Variants in CTNNA2 observed in about 807,000 individuals in gnomAD.
The protein encoded by CTNNA2 is catenin alpha-2.
In CTNNA2, 42 loss-of-function variants were observed where a neutral mutation model predicts 101.0. The ratio of observed to expected loss-of-function variants is 0.42; its 90% CI spans 0.32 to 0.54. The LOEUF (loss-of-function observed/expected upper bound fraction) is 0.54, where lower values mean the gene tolerates loss of function less well. CTNNA2 is among the 20% of genes least tolerant of loss of function. The pLI is 0.14. For missense variants in CTNNA2, 871 were observed against 1,223.1 expected (o/e 0.71, Z 4.29); for synonymous variants, 450 against 456.4 (o/e 0.99, Z 0.18).
intron 3 of CTNNA2, among the ~76,000 whole-genome samples, chr2:79,318,204 A>G (rs993622335): frequency 1.3e-5 from 2 of 152,146 alleles, no homozygotes; most frequent in Non-Finnish European, 2.9e-5. Context: ...TGCATATATA[A>G]TGCATATATA....
intron 3 of CTNNA2, among the ~76,000 whole-genome samples, chr2:79,789,643 G>A (rs1013866453): frequency 1.3e-5 from 2 of 152,000 alleles, no homozygotes; most frequent in East Asian, 3.9e-4. Context: ...GATGAGAATT[G>A]TATCTATGTG....
intron 18 of CTNNA2, among the ~76,000 whole-genome samples, chr2:80,620,323 C>T (rs963029997): frequency 5.1e-5 from 7 of 136,688 alleles, no homozygotes; most frequent in African/African-American, 1.4e-4. Flanking sequence ...GAATTGGTTT[C>T]GGTTTAAAAA....
intron 18 of CTNNA2, among the ~76,000 whole-genome samples, chr2:80,637,543 G>A (rs1673011586): frequency 6.6e-6 from 1 of 152,042 alleles, no homozygotes; most frequent in African/African-American, 2.4e-5. Context: ...AAGGGGCTGG[G>A]GTCCCAAGGA....
At chr2:80,232,953 A>G (rs982708138) in intron 7 of CTNNA2, among the ~76,000 whole-genome samples, 2 of 152,054 alleles carry the variant, frequency 1.3e-5, no homozygotes, top group African/African-American at 4.8e-5. Flanking sequence ...TATCATGTTT[A>G]TTTTTTCCAT....
chr2:79,778,789 G>C (rs1040951599), intron 3 of CTNNA2, among the ~76,000 whole-genome samples: 1 of 152,036 alleles, frequency 6.6e-6, no homozygotes, highest in African/African-American at 2.4e-5. Context: ...ACAAGAAGTA[G>C]GCAAAGTTGT....
chr2:79,808,888 C>A lies in CTNNA2; in HGVS notation c.299-49125C>A, dbSNP rs560915934. Among the ~76,000 whole-genome samples the A allele has an allele frequency of 4.6e-5, 7 of 152,072 alleles. No individual in the cohort carries two copies. In the South Asian group the frequency reaches 1.2e-3, roughly 27 times the overall value. On this transcript the variant is annotated intron_variant, in intron 3 of 18. Coordinates refer to ENST00000402739, the MANE Select transcript of CTNNA2 (RefSeq NM_001282597.3). Reference sequence around the variant, plus strand: ...ACGTGCCATGGTGGTTTGCTGCACCCATCAAACCATCATCTACATTAGGTA... The same window carrying A: ...ACGTGCCATGGTGGTTTGCTGCACCAATCAAACCATCATCTACATTAGGTA...
chr2:79,708,909 G>A (rs778837391), intron 2 of CTNNA2, among the ~76,000 whole-genome samples: 2 of 152,120 alleles, frequency 1.3e-5, no homozygotes, highest in African/African-American at 4.8e-5. Context: ...AGATAATAAC[G>A]TACTACTTAA....
At chr2:79,665,332 AATGTGCATGT>A (rs1378498193) in intron 2 of CTNNA2, among the ~76,000 whole-genome samples, 2 of 152,144 alleles carry the variant, frequency 1.3e-5, no homozygotes, top group Non-Finnish European at 2.9e-5. Context: ...CCTGATTTGA[AATGTGCATGT>A]ATGTGCATGT....
intron 6 of CTNNA2, among the ~76,000 whole-genome samples, chr2:79,885,450 A>C (rs1263072488): frequency 6.6e-6 from 1 of 152,128 alleles, no homozygotes; most frequent in Non-Finnish European, 1.5e-5. Flanking sequence ...AATATGCTTT[A>C]TTGACTTATG....
chr2:79,835,911 G>A (rs1679332209), intron 3 of CTNNA2, among the ~76,000 whole-genome samples: 1 of 152,036 alleles, frequency 6.6e-6, no homozygotes, highest in Non-Finnish European at 1.5e-5. Context: ...AATTACAGGT[G>A]TGAGCCACTG....
chr2:79,465,961 A>G (rs1670929922), intron 4 of CTNNA2, among the ~76,000 whole-genome samples: 2 of 152,186 alleles, frequency 1.3e-5, no homozygotes, highest in African/African-American at 4.8e-5. Context: ...AGCATGAGTG[A>G]CGTAAAAAAC....
chr2:80,255,272 G>T (rs896062399), intron 7 of CTNNA2, among the ~76,000 whole-genome samples: 1 of 152,046 alleles, frequency 6.6e-6, no homozygotes, highest in Non-Finnish European at 1.5e-5. Flanking sequence ...GAACCCAGGG[G>T]GTTAAGAACA....
intron 4 of CTNNA2, among the ~76,000 whole-genome samples, chr2:79,466,077 C>A (rs1670931272): frequency 6.6e-6 from 1 of 152,208 alleles, no homozygotes; most frequent in African/African-American, 2.4e-5. Flanking sequence ...TTAGCCGAAG[C>A]AGGGCGAGGC....
chr2:80,568,880 G>A (rs1694304387), intron 12 of CTNNA2, among the ~76,000 whole-genome samples: 1 of 152,198 alleles, frequency 6.6e-6, no homozygotes, highest in African/African-American at 2.4e-5. Flanking sequence ...GAGACAGAAA[G>A]ACACAAGAAC....
chr2:80,047,314 C>T (rs1236859295), intron 7 of CTNNA2, among the ~76,000 whole-genome samples: 3 of 152,096 alleles, frequency 2.0e-5, no homozygotes, highest in South Asian at 2.1e-4. Flanking sequence ...ATCTGTTGTC[C>T]GTAGTCCAGA....
chr2:79,241,797 G>T (rs1377867211), intron 2 of CTNNA2, among the ~76,000 whole-genome samples: 2 of 152,186 alleles, frequency 1.3e-5, no homozygotes, highest in Non-Finnish European at 2.9e-5. Context: ...TTTACATAGG[G>T]TGGAGAATTA....
At chr2:80,079,613 C>T (rs546843520) in intron 7 of CTNNA2, among the ~76,000 whole-genome samples, 1 of 151,830 alleles carries the variant, frequency 6.6e-6, no homozygotes, top group Non-Finnish European at 1.5e-5. Flanking sequence ...GGAAATGGAG[C>T]CCATCCTGGC....
chr2:79,453,679 G>A (rs1489256377), intron 4 of CTNNA2, among the ~76,000 whole-genome samples: 1 of 152,074 alleles, frequency 6.6e-6, no homozygotes, highest in Non-Finnish European at 1.5e-5. Flanking sequence ...TTCAGAAAAG[G>A]AGGCTGGGTC....
rs903051187 is a variant in CTNNA2, at chr2:79,874,318, G to C, written c.828G>C (p.Leu276=). The change falls in exon 6 of 19, where the codon CTG becomes CTC. Residue 276 remains leucine (L), a synonymous_variant. Coordinates refer to ENST00000402739, the MANE Select transcript of CTNNA2 (RefSeq NM_001282597.3). ...AGGGCCACACGGGCATCGGCGAGCT[G>C]GCTGCGGCTCTTAATGAGTTTGACG... ...EAKGHTGIGE[L]AAALNEFDNK... 2.5e-6 allele frequency: 4 copies of C among 1,613,946 alleles called. No homozygotes were observed. In the African/African-American group the frequency reaches 5.3e-5, roughly 22 times the overall value.
Sources: gnomAD v4.1 joint callset for allele counts (sites outside exome capture counted in the v4.1 genomes callset) on GRCh38, gnomAD v4.1.1 for gene constraint, MANE v1.5 for transcripts, NCBI Gene and HGNC (gene_info 2026-07-23, HGNC 2026-07-21) for gene names.